Variants in NPC1 observed in about 807,000 individuals in gnomAD.
NPC1 encodes NPC intracellular cholesterol transporter 1.
Under a neutral mutation model 140.4 loss-of-function variants are expected in NPC1, and 85 were observed. That is an observed-to-expected ratio of 0.61 (90% CI 0.51 to 0.72). NPC1 has a LOEUF of 0.72. Among genes scored for constraint, NPC1 ranks in the 30% least tolerant of loss-of-function variants. NPC1 has a pLI of 0.00. For missense variants in NPC1, 1,504 were observed against 1,623.8 expected (o/e 0.93, Z 1.27); for synonymous variants, 656 against 624.8 (o/e 1.05, Z -0.74).
downstream of NPC1, chr18:23,530,737 A>C: frequency 2.4e-6 from 2 of 824,460 alleles, no homozygotes; most frequent in Admixed American, 2.8e-5. Context: ...ATAACAGCCC[A>C]CCTAGCCCTT....
intron 1 of NPC1, among the ~76,000 whole-genome samples, chr18:23,579,637 T>A (rs1373408083): frequency 6.6e-6 from 1 of 152,106 alleles, no homozygotes; most frequent in Non-Finnish European, 1.5e-5. Flanking sequence ...ATGCCTGTAA[T>A]CCCAGCACTT....
chr18:23,526,231 G>A (rs971013540), downstream of NPC1, among the ~76,000 whole-genome samples: 1 of 152,210 alleles, frequency 6.6e-6, no homozygotes, highest in Non-Finnish European at 1.5e-5. Flanking sequence ...AAACTAATGA[G>A]CTGTTGTAGG....
chr18:23,548,394 G>GA (rs2058819699), intron 10 of NPC1, among the ~76,000 whole-genome samples: 1 of 142,772 alleles, frequency 7.0e-6, no homozygotes, highest in Non-Finnish European at 1.5e-5. Context: ...ATTTCAAACA[G>GA]AACAGAAAAG....
chr18:23,508,251 G>T (rs1223764234), intron 3 of NPC1, among the ~76,000 whole-genome samples: 1 of 152,172 alleles, frequency 6.6e-6, no homozygotes, highest in Non-Finnish European at 1.5e-5. Flanking sequence ...TGGAGGGGGA[G>T]GGTTCAATGG....
intron 11 of NPC1, among the ~76,000 whole-genome samples, chr18:23,547,541 G>C (rs1220838285): frequency 1.3e-5 from 2 of 152,136 alleles, no homozygotes; most frequent in Non-Finnish European, 2.9e-5. Context: ...AGTAGGTCAA[G>C]ACCAGCCTGG....
downstream of NPC1, chr18:23,530,260 ATCC>A (rs1458909355): frequency 2.5e-6 from 4 of 1,614,216 alleles, no homozygotes; most frequent in Non-Finnish European, 2.5e-6. Flanking sequence ...GAGAGTTTCT[ATCC>A]TCCTGCTCAT....
Position 23,556,267 on chromosome 18 carries a change from C to T in NPC1, c.1302G>A (p.Pro434=), listed in dbSNP as rs756074494. 8.1e-6 allele frequency: 13 copies of T among 1,613,970 alleles called. No homozygotes were observed. Among genetic ancestry groups the T allele is most frequent in the African/African-American group, 2.7e-5 (2 of 74,880 alleles). Residue 434 remains proline, a synonymous_variant, in exon 8 of 25, where the codon CCG becomes CCA. Coordinates refer to ENST00000269228, the MANE Select transcript of NPC1 (RefSeq NM_000271.5). ...CCTGGTGCAGTATCTGTATGTCAAG[C>T]GGAGGTCCAAAGGGTACATCAGCTC... ...PSGADVPFGP[P]LDIQILHQVL... is the part of the protein sequence containing the mutation.
At chr18:23,518,774 G>T, downstream of NPC1, 1 of 867,684 alleles carries the variant, frequency 1.2e-6, no homozygotes, top group Non-Finnish European at 1.8e-6. Context: ...ACACTTGTTG[G>T]CAGCAAAATA....
At chr18:23,561,601 G>C in intron 4 of NPC1, 74 bp from the exon 5 acceptor site, 4 of 1,478,420 alleles carry the variant, frequency 2.7e-6, no homozygotes, top group East Asian at 2.3e-5. Context: ...CTTACAAAAG[G>C]CCTCTTGAAG....
chr18:23,582,395 G>A (rs548635156), intron 1 of NPC1, among the ~76,000 whole-genome samples: 12 of 152,270 alleles, frequency 7.9e-5, no homozygotes, highest in East Asian at 7.7e-4. Flanking sequence ...CTGGCTGGCC[G>A]CAGCTGATCA....
chr18:23,532,339 C>G lies in NPC1; in HGVS notation c.3755-55G>C, dbSNP rs2058539843. ...CTGCAGGAGAAAGGGAGCTAGTTGG[C>G]TGGGCATAGTGGCTCACGCCTGTAA... On this transcript the variant is annotated intron_variant, in intron 24 of 24. Transcript: ENST00000269228. 6 of 1,605,004 alleles carry G rather than the reference C, an allele frequency of 3.7e-6. No individual in the cohort carries two copies. In the South Asian group the frequency reaches 5.5e-5, roughly 15 times the overall value.
chr18:23,529,312 T>C (rs2058411093), downstream of NPC1: 1 of 1,603,160 alleles, frequency 6.2e-7, no homozygotes, highest in African/African-American at 1.3e-5. Context: ...GGCTGCAGCT[T>C]TCCGCCTCTT....
chr18:23,531,386 A>C, downstream of NPC1: 1 of 681,456 alleles, frequency 1.5e-6, no homozygotes, highest in Non-Finnish European at 2.2e-6. Context: ...TTCTAGGTCT[A>C]TTTCTAGCTC....
chr18:23,579,251 A>G (rs2059328904), intron 1 of NPC1, among the ~76,000 whole-genome samples: 1 of 152,174 alleles, frequency 6.6e-6, no homozygotes, highest in Admixed American at 6.5e-5. Flanking sequence ...CTTTTGTCTC[A>G]ACTCCCTTGT....
downstream of NPC1, chr18:23,530,365 G>T: frequency 6.2e-7 from 1 of 1,613,992 alleles, no homozygotes; most frequent in East Asian, 2.2e-5. Flanking sequence ...CACTGACCTG[G>T]ACTTCTCTCC....
chr18:23,567,665 T>TA (rs1249955513), intron 4 of NPC1, among the ~76,000 whole-genome samples: 2 of 152,254 alleles, frequency 1.3e-5, no homozygotes, highest in Admixed American at 6.5e-5. Context: ...TCCAGGTTTA[T>TA]ATGCATTTAG....
intron 3 of NPC1, chr18:23,507,123 A>G (rs1176301064): frequency 1.8e-6 from 2 of 1,106,834 alleles, no homozygotes; most frequent in Admixed American, 2.4e-5. Flanking sequence ...AGGAATCGCA[A>G]ATTTTCAGTG....
chr18:23,534,415 C>G (rs776412474), intron 23 of NPC1, 31 bp downstream of exon 23: 4 of 1,437,836 alleles, frequency 2.8e-6, no homozygotes, highest in Non-Finnish European at 3.9e-6. Context: ...TGGTGCGACT[C>G]TGCCGGCGTG....
intron 19 of NPC1, chr18:23,538,973 T>C: frequency 2.2e-6 from 1 of 458,920 alleles, no homozygotes; most frequent in Non-Finnish European, 4.0e-6. Context: ...ATGTTTTTAT[T>C]AAGAAAATTC....
Sources: allele counts gnomAD v4.1 joint callset (sites outside exome capture counted in the v4.1 genomes callset), GRCh38; gene constraint gnomAD v4.1.1; transcripts MANE v1.5; gene names NCBI Gene and HGNC (gene_info 2026-07-23, HGNC 2026-07-21).